PLD3: variants seen among roughly 807,000 people sequenced by gnomAD.
The protein encoded by PLD3 is phospholipase D family member 3, also known as 5'-3' exonuclease PLD3.
PLD3 carries 31 observed loss-of-function variants against 58.4 expected under a neutral mutation model. The observed-to-expected ratio is 0.53, with a 90% CI of 0.40 to 0.72. The LOEUF is 0.72. Among genes scored for constraint, PLD3 ranks in the 30% least tolerant of loss-of-function variants. The pLI is 0.00. For synonymous variants in PLD3, 264 were observed against 273.4 expected, an observed-to-expected ratio of 0.97 and a Z score of 0.34; for missense variants, 595 against 659.8, an observed-to-expected ratio of 0.90 and a Z score of 1.08.
At position 40,366,514 on chromosome 19, in the gene PLD3, G is replaced by A. The variant is rs201120348; in HGVS notation, c.27+4G>A. ...GCCTAAACTGATGTACCAGGAGGTA[G>A]GTGGATTGGGGGGCTCAGCAGGGTG... is the stretch of plus-strand genomic sequence containing the variant. On this transcript the variant is annotated splice_donor_region_variant and intron_variant, in intron 3 of 12. Transcript: ENST00000409735. 1 of 1,613,140 alleles carries A rather than the reference G, an allele frequency of 6.2e-7. No individual in the cohort carries two copies. Among genetic ancestry groups the A allele is most frequent in the East Asian group, 2.2e-5 (1 of 44,876 alleles).
At chr19:40,364,348 C>T (rs949052501) in intron 1 of PLD3, among the ~76,000 whole-genome samples, 2 of 148,924 alleles carry the variant, frequency 1.3e-5, no homozygotes, top group East Asian at 2.0e-4. Flanking sequence ...AGCGAAACTC[C>T]GTCTCAGAAA....
intron 1 of PLD3, among the ~76,000 whole-genome samples, chr19:40,350,127 G>C (rs993168454): frequency 6.6e-6 from 1 of 151,228 alleles, no homozygotes; most frequent in South Asian, 2.1e-4. Flanking sequence ...AGGCATGGTG[G>C]CACATGCCTG....
chr19:40,366,465 C>G lies in PLD3; in HGVS notation c.-19C>G. ...ACCTTCTCACCTGGGCTCTGCGTAT[C>G]CCCCAGCCTTGAGGGAAGATGAAGC... On this transcript the variant is annotated 5_prime_UTR_variant, in exon 3 of 13. The change creates a new upstream start codon in the 5' untranslated region. Transcript: ENST00000409735. The G allele has an allele frequency of 6.2e-7, 1 of 1,613,102 alleles. No homozygotes were observed.
At chr19:40,358,732 G>A (rs1405197028) in intron 1 of PLD3, 2 of 152,262 alleles carry the variant, frequency 1.3e-5, no homozygotes, top group Non-Finnish European at 2.9e-5. Flanking sequence ...AGGCCAGCAG[G>A]GCTCAGAAGT....
rs745451549 is a variant in PLD3, at chr19:40,370,154, G to A, written c.595G>A (p.Val199Ile). The A allele has an allele frequency of 4.9e-5, 79 of 1,613,916 alleles. No homozygotes were observed. Among genetic ancestry groups the A allele is most frequent in the East Asian group, 8.9e-5 (4 of 44,876 alleles). ...GGACATGCAGAAGCTGACCCATGGC[G>A]TCCTGCATACCAAGTTCTGGGTGGT... The part of the protein sequence containing the change: ...MVDMQKLTHG[V>I]LHTKFWVVDQ... Residue 199 changes from valine to isoleucine, a missense_variant, in exon 8 of 13, where the codon GTC becomes ATC. Val to Ile is a conservative substitution (Grantham distance 29). Coordinates refer to ENST00000409735, the MANE Select transcript of PLD3 (RefSeq NM_012268.4).
chr19:40,369,939 T>G lies in PLD3; in HGVS notation c.461T>G (p.Leu154Arg). Residue 154 changes from leucine (L) to arginine (R), a missense_variant, in exon 7 of 13, where the codon CTG (leucine) becomes CGG (arginine). Transcript: ENST00000409735. ...GAGGTCCTCCGGCAGCTGCAGACCC[T>G]GGCACCAAAGGGCGTGAACGTCCGC... ...GEEVLRQLQT[L>R]APKGVNVRIA... 1 of 1,562,388 alleles carries G rather than the reference T, an allele frequency of 6.4e-7. No individual in the cohort carries two copies. Among genetic ancestry groups the G allele is most frequent in the Non-Finnish European group, 8.7e-7 (1 of 1,154,278 alleles).
intron 1 of PLD3, among the ~76,000 whole-genome samples, chr19:40,351,353 G>A (rs1180392452): frequency 6.6e-6 from 1 of 152,188 alleles, no homozygotes; most frequent in Non-Finnish European, 1.5e-5. Flanking sequence ...AGACCAGCCT[G>A]ACTAACATGG....
intron 9 of PLD3, among the ~76,000 whole-genome samples, chr19:40,373,577 A>C (rs2079117490): frequency 7.5e-6 from 1 of 132,606 alleles, no homozygotes; most frequent in South Asian, 2.4e-4. Context: ...ACTCCACTTC[A>C]AAAAAAAAAA....
At position 40,374,540 on chromosome 19, in the gene PLD3, C is replaced by T. The variant is rs767198514; in HGVS notation, c.939C>T (p.Asn313=). The change falls in exon 10 of 13, where the codon AAC becomes AAT. Residue 313 remains asparagine (N), a synonymous_variant. Coordinates refer to ENST00000409735, the MANE Select transcript of PLD3 (RefSeq NM_012268.4). ...GRTPDLKALL[N]VVDNARSFIY... is the part of the protein sequence containing the mutation. ...CTCCAGACCTGAAGGCTCTACTCAA[C>T]GTGGTGGACAATGCCCGGAGTTTCA... 2.5e-6 allele frequency: 4 copies of T among 1,614,172 alleles called. No individual in the cohort carries two copies. The highest frequency in any genetic ancestry group is 3.4e-6 in the Non-Finnish European group (4 of 1,180,018).
rs376815413 is a variant in PLD3, at chr19:40,370,259, C to G, written c.678+22C>G. 3.1e-6 allele frequency: 5 copies of G among 1,603,376 alleles called. No individual in the cohort carries two copies. The African/African-American group carries it at 6.7e-5, about 21-fold the overall frequency. ...CCAGGTCTGTCTGCACCCTGTCTAC[C>G]TTCCTTCCAGGCCACTCCCTGCCCC... is the stretch of plus-strand genomic sequence containing the variant. On this transcript the variant is annotated intron_variant, in intron 8 of 12. Coordinates refer to ENST00000409735, the MANE Select transcript of PLD3 (RefSeq NM_012268.4).
Position 40,376,682 on chromosome 19 carries a change from A to G in PLD3, c.1093A>G (p.Ser365Gly). The G allele has an allele frequency of 6.2e-7, 1 of 1,606,208 alleles. No individual in the cohort carries two copies. Among genetic ancestry groups the G allele is most frequent in the Non-Finnish European group, 8.5e-7 (1 of 1,179,970 alleles). The change falls in exon 11 of 13, where the codon AGC becomes GGC. Residue 365 changes from serine to glycine, a missense_variant. Coordinates refer to ENST00000409735, the MANE Select transcript of PLD3 (RefSeq NM_012268.4). ...ERGVKVRLLI[S>G]CWGHSEPSMR... Reference sequence around the variant, plus strand: ...TGGCGTCAAGGTGCGCCTGCTCATCAGCTGCTGGGGACACTCGGAGCCATC... The same window carrying G: ...TGGCGTCAAGGTGCGCCTGCTCATCGGCTGCTGGGGACACTCGGAGCCATC...
intron 1 of PLD3, chr19:40,357,150 G>A (rs2078674489): frequency 6.6e-6 from 1 of 152,124 alleles, no homozygotes; most frequent in Non-Finnish European, 1.5e-5. Context: ...AACAATTGAT[G>A]GTTTAGTCCA....
At chr19:40,377,514 G>A (rs1289596087) in intron 11 of PLD3, among the ~76,000 whole-genome samples, 1 of 151,988 alleles carries the variant, frequency 6.6e-6, no homozygotes, top group Non-Finnish European at 1.5e-5. Context: ...CAAGGAAGAT[G>A]TTCTGGAAAT....
intron 1 of PLD3, among the ~76,000 whole-genome samples, chr19:40,351,993 C>T (rs77827612): frequency 4.7e-4 from 72 of 152,224 alleles, no homozygotes; most frequent in African/African-American, 1.7e-3. Context: ...AGATCGAGAC[C>T]GGGCGTGGTG....
chr19:40,353,441 A>G (rs140035137), intron 1 of PLD3, among the ~76,000 whole-genome samples: 1 of 152,224 alleles, frequency 6.6e-6, no homozygotes, highest in East Asian at 1.9e-4. Context: ...AAAAACAAAC[A>G]AATTTCCAAC....
intron 1 of PLD3, among the ~76,000 whole-genome samples, chr19:40,363,579 C>T (rs536991962): frequency 5.3e-5 from 8 of 152,246 alleles, no homozygotes; most frequent in East Asian, 3.9e-4. Context: ...TACAAGCGCC[C>T]GCCACCACGC....
At chr19:40,366,338 C>A in intron 2 of PLD3, 81 bp from the exon 3 acceptor site, 1 of 762,082 alleles carries the variant, frequency 1.3e-6, no homozygotes, top group South Asian at 1.5e-5. Flanking sequence ...ATGAATAGCC[C>A]CAAGACTAAT....
At chr19:40,374,432 GAC>G (rs2079142193) in intron 9 of PLD3, 47 bp from the exon 10 acceptor site, 5 of 1,605,854 alleles carry the variant, frequency 3.1e-6, no homozygotes, top group African/African-American at 2.7e-5. Flanking sequence ...GGTCCGTTGT[GAC>G]GATGACCCTG....
rs749576878 is a variant in PLD3, at chr19:40,369,902, C to T, written c.430-6C>T. 6.4e-7 allele frequency: 1 copy of T among 1,552,078 alleles called. No homozygotes were observed. The highest frequency in any genetic ancestry group is 8.7e-7 in the Non-Finnish European group (1 of 1,148,900). On this transcript the variant is annotated splice_region_variant and splice_polypyrimidine_tract_variant and intron_variant, in intron 6 of 12. Transcript: ENST00000409735. ...CAGCCCCTCAGAAGCTCTCCCCTCC[C>T]CGCAGGGTGAGGAGGTCCTCCGGCA...
Sources: gnomAD v4.1 joint callset for allele counts (sites outside exome capture counted in the v4.1 genomes callset) on GRCh38, gnomAD v4.1.1 for gene constraint, MANE v1.5 for transcripts, NCBI Gene and HGNC (gene_info 2026-07-23, HGNC 2026-07-21) for gene names.